EHBP1L1: variants seen among roughly 807,000 people sequenced by gnomAD.
EHBP1L1 encodes EH domain-binding protein 1-like protein 1.
EHBP1L1 carries 122 observed loss-of-function variants against 151.1 expected under a neutral mutation model. That is an observed-to-expected ratio of 0.81 (90% CI 0.70 to 0.94). The LOEUF is 0.94. EHBP1L1 is among the 40% of genes least tolerant of loss of function. The probability of loss-of-function intolerance (pLI) is 0.00; values close to 1 mark genes in which losing one functional copy is unlikely to be tolerated. For synonymous variants in EHBP1L1, 878 were observed against 810.1 expected (o/e 1.08, Z -1.42); for missense variants, 1,941 against 1,959.8 (o/e 0.99, Z 0.18).
At chr11:65,583,881 C>T in intron 9 of EHBP1L1, 116 bp downstream of exon 9, 1 of 1,425,568 alleles carries the variant, frequency 7.0e-7, no homozygotes, top group East Asian at 2.5e-5. Context: ...GGGTGGGGGG[C>T]TCAGCTTGAA....
chr11:65,581,953 G>A lies in EHBP1L1; in HGVS notation c.1281G>A (p.Glu427=). ...CAGCAGTTTGTCAAGTGGATGCTGA[G>A]CAGAGGTCAAAGGTGAGACATGTGG... The part of the protein sequence containing the change: ...ESSAVCQVDA[E]QRSKVRHVDT... The change falls in exon 9 of 19, where the codon GAG becomes GAA. Residue 427 remains glutamate, a synonymous_variant. Coordinates refer to ENST00000309295, the MANE Select transcript of EHBP1L1 (RefSeq NM_001099409.3). The A allele has an allele frequency of 6.2e-7, 1 of 1,613,824 alleles. No homozygotes were observed. Among genetic ancestry groups the A allele is most frequent in the Non-Finnish European group, 8.5e-7 (1 of 1,179,828 alleles).
At chr11:65,576,592 G>A (rs1857339831) in intron 1 of EHBP1L1, among the ~76,000 whole-genome samples, 186 bp downstream of exon 1, 1 of 152,226 alleles carries the variant, frequency 6.6e-6, no homozygotes, top group South Asian at 2.1e-4. Flanking sequence ...GACCCCTGGA[G>A]TTGGGGGCGT....
Position 65,581,624 on chromosome 11 carries a change from C to T in EHBP1L1, c.952C>T (p.Pro318Ser), listed in dbSNP as rs1189886529. ...CTCTGATGCCCTCCGGCCCCCAGTC[C>T]CCCAGGGGGAAGATGAGGTCCCCAA... The part of the protein sequence containing the change: ...KGSDALRPPV[P>S]QGEDEVPKAS... Residue 318 changes from proline (P) to serine (S), a missense_variant, in exon 9 of 19, where the codon CCC becomes TCC. By Grantham distance (74) the Pro-to-Ser change is moderately conservative (BLOSUM62 -1). Transcript: ENST00000309295. 1.9e-6 allele frequency: 3 copies of T among 1,546,252 alleles called. No individual in the cohort carries two copies. In the African/African-American group the frequency reaches 4.1e-5, roughly 21 times the overall value.
rs1248318302 is a variant in EHBP1L1, at chr11:65,582,326, G to A, written c.1654G>A (p.Ala552Thr). The A allele has an allele frequency of 2.6e-6, 4 of 1,550,468 alleles. No individual in the cohort carries two copies. The African/African-American group carries it at 4.1e-5, about 16-fold the overall frequency. Residue 552 changes from alanine to threonine, a missense_variant, in exon 9 of 19, where the codon GCA (alanine) becomes ACA (threonine). Transcript: ENST00000309295. ...GGCCCTGTTATCAACTGCCCAGGGG[G>A]CAATATCCAGGGGTCTGGGAGGCTG... ...QGALLSTAQGAISRGLGGWEA... is the reference protein window; with the variant it reads ...QGALLSTAQGTISRGLGGWEA...
chr11:65,589,721 C>T (rs1452024467), intron 12 of EHBP1L1, 30 bp from the exon 13 acceptor site: 1 of 1,512,018 alleles, frequency 6.6e-7, no homozygotes, highest in Admixed American at 2.2e-5. Context: ...GGAAACCCCT[C>T]CCAGCCCTCA....
At chr11:65,589,722 C>T (rs1416306139) in intron 12 of EHBP1L1, 29 bp from the exon 13 acceptor site, 1 of 1,512,384 alleles carries the variant, frequency 6.6e-7, no homozygotes, top group Non-Finnish European at 8.9e-7. Flanking sequence ...GAAACCCCTC[C>T]CAGCCCTCAC....
At position 65,581,095 on chromosome 11, in the gene EHBP1L1, G is replaced by GGAGGAA; in HGVS notation, c.674_679dup (p.Glu225_Glu226dup). 1 of 1,612,746 alleles carries GGAGGAA rather than the reference G, an allele frequency of 6.2e-7. No individual in the cohort carries two copies. The highest frequency in any genetic ancestry group is 8.5e-7 in the Non-Finnish European group (1 of 1,179,582). On this transcript the variant is annotated inframe_insertion, in exon 7 of 19. Coordinates refer to ENST00000309295, the MANE Select transcript of EHBP1L1 (RefSeq NM_001099409.3). ...AGCTGAAGACGCTTTGTGAGGAGGA[G>GGAGGAA]GAGGAAGGCCAAGGACGACCCCAGC...
chr11:65,584,595 G>C (rs1565127614), intron 11 of EHBP1L1, 61 bp downstream of exon 11: 1 of 1,573,328 alleles, frequency 6.4e-7, no homozygotes. Context: ...GGCTCTCAGT[G>C]TCAGATTTGG....
rs1239701330 is a variant in EHBP1L1, at chr11:65,585,219, C to T, written c.3561C>T (p.Ala1187=). The part of the protein sequence containing the change: ...GLAQRLRGHG[A]EGPQEPKEAA... The stretch of plus-strand genomic sequence containing the variant: ...CGCAGCGGCTGCGCGGTCACGGGGC[C>T]GAGGGGCCCCAGGAGCCCAAGGAGG... Residue 1187 remains alanine (A), a synonymous_variant, in exon 12 of 19, where the codon GCC becomes GCT. Transcript: ENST00000309295. The surrounding 1 kb of genome is among the most constrained non-coding windows in gnomAD (Gnocchi z 4.0). 8.7e-7 allele frequency: 1 copy of T among 1,143,214 alleles called. No homozygotes were observed. The allele number at this position is 1,143,214 out of a possible 1,614,324, so 70.8% of individuals were successfully genotyped here. A position where few individuals can be genotyped will look rare whatever the true frequency, so the allele number is the denominator to read the frequency against.
At position 65,579,925 on chromosome 11, in the gene EHBP1L1, C is replaced by G. The variant is rs1857515029; in HGVS notation, c.259-11C>G. 13 of 1,613,738 alleles carry G rather than the reference C, an allele frequency of 8.1e-6. No homozygotes were observed. The highest frequency in any genetic ancestry group is 1.1e-5 in the Non-Finnish European group (13 of 1,179,836). ...CAACAGTCCTGTACTCACCAGCACCCTTCTTCCCAGGACCCCCACGTGGAC... is the reference window on the plus strand; with the variant it reads ...CAACAGTCCTGTACTCACCAGCACCGTTCTTCCCAGGACCCCCACGTGGAC... On this transcript the variant is annotated splice_polypyrimidine_tract_variant and intron_variant, in intron 3 of 18. Coordinates refer to ENST00000309295, the MANE Select transcript of EHBP1L1 (RefSeq NM_001099409.3).
rs1233508172 is a variant in EHBP1L1 at position 65,582,150 on chromosome 11, G to A, written c.1478G>A (p.Gly493Asp). 4 of 1,586,682 alleles carry A rather than the reference G, an allele frequency of 2.5e-6. No individual in the cohort carries two copies. The highest frequency in any genetic ancestry group is 3.4e-6 in the Non-Finnish European group (4 of 1,167,012). Residue 493 changes from glycine (G) to aspartate (D), a missense_variant, in exon 9 of 19, where the codon GGT becomes GAT. Physicochemically the swap from Gly to Asp is moderately conservative, Grantham distance 94. Coordinates refer to ENST00000309295, the MANE Select transcript of EHBP1L1 (RefSeq NM_001099409.3). The stretch of plus-strand genomic sequence containing the variant: ...CCTGCAGGGCACTCTGGGCAACTTG[G>A]TGACCTCGAGGGGGCCAGGGCTGCT... ...AEPAGHSGQL[G>D]DLEGARAAAG...
chr11:65,583,985 T>A, intron 9 of EHBP1L1: 1 of 1,404,894 alleles, frequency 7.1e-7, no homozygotes, highest in African/African-American at 1.4e-5. Flanking sequence ...TAAGCTGATT[T>A]TCTGGGCTGA....
At chr11:65,577,160 C>G (rs896812022) in intron 1 of EHBP1L1, among the ~76,000 whole-genome samples, 4 of 152,182 alleles carry the variant, frequency 2.6e-5, no homozygotes, top group African/African-American at 7.2e-5. Context: ...CAGGCCCCTG[C>G]GTCACACCCT....
chr11:65,576,486 C>G (rs988844165), intron 1 of EHBP1L1, 80 bp downstream of exon 1: 6 of 1,308,786 alleles, frequency 4.6e-6, no homozygotes, highest in East Asian at 2.8e-5. Context: ...AGGACTCTGC[C>G]CCCCCAGCCC....
Position 65,581,915 on chromosome 11 carries a change from G to C in EHBP1L1, c.1243G>C (p.Ala415Pro). 1.2e-6 allele frequency: 2 copies of C among 1,613,762 alleles called. No homozygotes were observed. The highest frequency in any genetic ancestry group is 1.7e-6 in the Non-Finnish European group (2 of 1,179,830). The stretch of plus-strand genomic sequence containing the variant: ...GAGGTCAGGAGTCAGAGCTGGGGAG[G>C]CTGAAGAGAGTTCAGCAGTTTGTCA... Reference protein sequence around the residue: ...TKRSGVRAGEAEESSAVCQVD... With the variant: ...TKRSGVRAGEPEESSAVCQVD... The change falls in exon 9 of 19, where the codon GCT becomes CCT. Residue 415 changes from alanine (A) to proline (P), a missense_variant. Transcript: ENST00000309295.
Position 65,583,451 on chromosome 11 carries a change from T to C in EHBP1L1, c.2779T>C (p.Ser927Pro). 1 of 1,612,696 alleles carries C rather than the reference T, an allele frequency of 6.2e-7. No homozygotes were observed. Among genetic ancestry groups the C allele is most frequent in the Non-Finnish European group, 8.5e-7 (1 of 1,179,562 alleles). The stretch of plus-strand genomic sequence containing the variant: ...AGCAGAGATTTCAGGAGTACAAGGG[T>C]CAGAGACTCAAGTTCTGAGAGTCCA... ...AKAEISGVQG[S>P]ETQVLRVQEA... The change falls in exon 9 of 19, where the codon TCA becomes CCA. Residue 927 changes from serine (S) to proline (P), a missense_variant. By Grantham distance (74) the Ser-to-Pro change is moderately conservative. Transcript: ENST00000309295.
Position 65,591,973 on chromosome 11 carries a change from C to T in EHBP1L1, c.4358-3C>T, listed in dbSNP as rs1466852451. The T allele has an allele frequency of 8.1e-6, 13 of 1,611,022 alleles. No homozygotes were observed. The highest frequency in any genetic ancestry group is 1.1e-5 in the Non-Finnish European group (13 of 1,177,898). ...CCTGACGCTTAGCCGCTTCGACCCT[C>T]AGACTGGCAGAAAACGTCCGCTCAG... is the stretch of plus-strand genomic sequence containing the variant. On this transcript the variant is annotated splice_polypyrimidine_tract_variant and splice_region_variant and intron_variant, in intron 17 of 18. Coordinates refer to ENST00000309295, the MANE Select transcript of EHBP1L1 (RefSeq NM_001099409.3).
Position 65,584,034 on chromosome 11 carries a change from G to C in EHBP1L1, c.3094-207G>C, listed in dbSNP as rs1565126682. On this transcript the variant is annotated intron_variant, in intron 9 of 18. Coordinates refer to ENST00000309295, the MANE Select transcript of EHBP1L1 (RefSeq NM_001099409.3). ...CTGCTGGTGACCTCTGATCTTGTCT[G>C]GGGGCCACTGACCTTTTAGGTGACC... is the stretch of plus-strand genomic sequence containing the variant. 3.7e-5 allele frequency: 52 copies of C among 1,412,384 alleles called. No individual in the cohort carries two copies. In the East Asian group the frequency reaches 1.4e-3, roughly 37 times the overall value. The allele number at this position is 1,412,384 out of a possible 1,614,324, so 87.5% of individuals were successfully genotyped here. A position where few individuals can be genotyped will look rare whatever the true frequency, so the allele number is the denominator to read the frequency against.
intron 3 of EHBP1L1, 104 bp downstream of exon 3, chr11:65,579,540 T>A: frequency 1.2e-6 from 1 of 831,744 alleles, no homozygotes; most frequent in Non-Finnish European, 1.7e-6. Context: ...TAGAAGAGGA[T>A]GCGGGGGGTG....
Sources: gnomAD v4.1 joint callset for allele counts (sites outside exome capture counted in the v4.1 genomes callset) on GRCh38, gnomAD v4.1.1 for gene constraint, Gnocchi (gnomAD v3.1) non-coding constraint, MANE v1.5 for transcripts, NCBI Gene and HGNC (gene_info 2026-07-23, HGNC 2026-07-21) for gene names.